The following RPS6KC1 variants were observed in gnomAD, a reference collection of about 807,000 sequenced individuals.
RPS6KC1 encodes the protein ribosomal protein S6 kinase C1, also known as inactive ribosomal protein S6 kinase delta-1.
In RPS6KC1, 54 loss-of-function variants were observed where a neutral mutation model predicts 103.8. The observed-to-expected ratio is 0.52, with a 90% confidence interval of 0.42 to 0.65. The LOEUF (loss-of-function observed/expected upper bound fraction) is 0.65. RPS6KC1 is among the 30% of genes least tolerant of loss of function. The pLI is 0.00. For missense variants in RPS6KC1, 1,151 were observed against 1,253.8 expected, an observed-to-expected ratio of 0.92 and a Z score of 1.24; for synonymous variants, 439 against 438.7, an observed-to-expected ratio of 1.00 and a Z score of -0.01.
the RPS6KC1 span, among the ~76,000 whole-genome samples, chr1:213,777,167 T>C: frequency 6.6e-6 from 1 of 152,230 alleles, no homozygotes. Flanking sequence ...GTAATTTCTC[T>C]GAAGAACTTT....
the RPS6KC1 span, among the ~76,000 whole-genome samples, chr1:213,738,073 A>G: frequency 5.7e-3 from 866 of 152,282 alleles, 9 homozygotes; most frequent in South Asian, 0.018. Flanking sequence ...CACTTCCCCA[A>G]AGTCTTAGAC....
chr1:213,085,022 C>T (rs968733007), intron 3 of RPS6KC1, among the ~76,000 whole-genome samples: 1 of 152,208 alleles, frequency 6.6e-6, no homozygotes. Context: ...TTACCATACA[C>T]TTGGTGGCGT....
the RPS6KC1 span, among the ~76,000 whole-genome samples, chr1:213,668,422 G>A: frequency 7.3e-4 from 2 of 2,738 alleles, no homozygotes; most frequent in African/African-American, 1.2e-3. Flanking sequence ...CCCCCACCCC[G>A]AGGAGTAGGT....
At chr1:213,849,277 T>G in the RPS6KC1 span, among the ~76,000 whole-genome samples, 6 of 150,958 alleles carry the variant, frequency 4.0e-5, no homozygotes, top group Middle Eastern at 6.8e-3. Context: ...GCCCAGGAGG[T>G]GAGAGACAGG....
At chr1:213,412,808 T>C in the RPS6KC1 span, among the ~76,000 whole-genome samples, 1 of 152,222 alleles carries the variant, frequency 6.6e-6, no homozygotes, top group Non-Finnish European at 1.5e-5. Context: ...TCCCATTGCC[T>C]CTGTGAGCTT....
chr1:213,518,933 C>A, the RPS6KC1 span, among the ~76,000 whole-genome samples: 2 of 152,068 alleles, frequency 1.3e-5, no homozygotes, highest in African/African-American at 4.8e-5. Flanking sequence ...ACATCTACAT[C>A]CCAGAGGGAG....
the RPS6KC1 span, among the ~76,000 whole-genome samples, chr1:213,501,618 C>T: frequency 6.6e-6 from 1 of 151,582 alleles, no homozygotes; most frequent in Non-Finnish European, 1.5e-5. Flanking sequence ...ACACGTAATC[C>T]CAGCTATTTG....
In RPS6KC1 at chr1:213,267,905, A is replaced by T. The variant is rs78046101; in HGVS notation, c.3091-4619A>T. Among the ~76,000 whole-genome samples the T allele has an allele frequency of 9.3e-3, 1,409 of 152,066 alleles. 49 individuals are homozygous for T. The highest frequency in any genetic ancestry group is 0.07 in the East Asian group (364 of 5,182). On this transcript the variant is annotated intron_variant, in intron 14 of 14. Transcript: ENST00000366960. Reference sequence around the variant, plus strand: ...ATCAGAAAAATGGACACAAAAATTGAAAAAAATGAACAGGACTATGGAAAT... The same window carrying T: ...ATCAGAAAAATGGACACAAAAATTGTAAAAAATGAACAGGACTATGGAAAT...
At chr1:213,826,211 A>G in the RPS6KC1 span, among the ~76,000 whole-genome samples, 1 of 152,242 alleles carries the variant, frequency 6.6e-6, no homozygotes, top group South Asian at 2.1e-4. Flanking sequence ...GAATCATAAT[A>G]GAATTTTTTT....
the RPS6KC1 span, among the ~76,000 whole-genome samples, chr1:213,423,811 G>A: frequency 6.6e-6 from 1 of 152,334 alleles, no homozygotes; most frequent in East Asian, 1.9e-4. Flanking sequence ...GGCGGCGGGA[G>A]GAGGGGGCAT....
chr1:213,801,869 A>G, the RPS6KC1 span, among the ~76,000 whole-genome samples: 1 of 152,354 alleles, frequency 6.6e-6, no homozygotes, highest in Non-Finnish European at 1.5e-5. Flanking sequence ...AGAATGGAAC[A>G]ACTTGGAGAG....
At chr1:213,638,203 T>TA in the RPS6KC1 span, among the ~76,000 whole-genome samples, 1 of 152,166 alleles carries the variant, frequency 6.6e-6, no homozygotes, top group African/African-American at 2.4e-5. Flanking sequence ...TTTTTGATGA[T>TA]ATATTCAAAT....
At chr1:213,469,631 C>T in the RPS6KC1 span, among the ~76,000 whole-genome samples, 2 of 152,284 alleles carry the variant, frequency 1.3e-5, no homozygotes, top group Admixed American at 6.5e-5. Flanking sequence ...TTCCCAAGCC[C>T]TGACATCATG....
At chr1:213,354,253 C>T in the RPS6KC1 span, among the ~76,000 whole-genome samples, 1 of 152,236 alleles carries the variant, frequency 6.6e-6, no homozygotes, top group African/African-American at 2.4e-5. Context: ...CACCTGGCAC[C>T]ATGAGTGCTC....
intron 4 of RPS6KC1, among the ~76,000 whole-genome samples, chr1:213,107,580 C>T (rs985820362): frequency 4.6e-5 from 7 of 152,252 alleles, no homozygotes; most frequent in Admixed American, 1.3e-4. Flanking sequence ...GATGTTTCTA[C>T]GTTTTGGCTG....
At chr1:213,389,084 A>G in the RPS6KC1 span, among the ~76,000 whole-genome samples, 1 of 151,502 alleles carries the variant, frequency 6.6e-6, no homozygotes, top group East Asian at 1.9e-4. Context: ...GCTGGCAGTC[A>G]GTGGTTCTTA....
At chr1:213,631,333 C>T in the RPS6KC1 span, among the ~76,000 whole-genome samples, 1 of 148,040 alleles carries the variant, frequency 6.8e-6, no homozygotes, top group African/African-American at 2.5e-5. Context: ...GGAGCTGTTC[C>T]TATTCGGCCA....
chr1:213,085,464 T>C (rs2080301478), intron 3 of RPS6KC1, among the ~76,000 whole-genome samples: 1 of 151,562 alleles, frequency 6.6e-6, no homozygotes, highest in Non-Finnish European at 1.5e-5. Flanking sequence ...TGTATATTCA[T>C]TTTTTTTTCT....
At chr1:213,763,296 CT>C in the RPS6KC1 span, among the ~76,000 whole-genome samples, 4 of 152,320 alleles carry the variant, frequency 2.6e-5, no homozygotes, top group East Asian at 7.7e-4. Flanking sequence ...CTTTCACTTC[CT>C]TCCCCTCTTA....
Sources: allele counts gnomAD v4.1 joint callset (sites outside exome capture counted in the v4.1 genomes callset), GRCh38; gene constraint gnomAD v4.1.1; transcripts MANE v1.5; gene names NCBI Gene and HGNC (gene_info 2026-07-23, HGNC 2026-07-21).